NWD1: variants seen among roughly 807,000 people sequenced by gnomAD.
NWD1 encodes NACHT domain- and WD repeat-containing protein 1.
In NWD1, 129 loss-of-function variants were observed where a neutral mutation model predicts 135.1. That is an observed-to-expected ratio of 0.96 (90% CI 0.83 to 1.11). The LOEUF is 1.11. NWD1 is among the 50% of genes least tolerant of loss of function. NWD1 has a pLI of 0.00. For synonymous variants in NWD1, 773 were observed against 786.0 expected (o/e 0.98, Z 0.28); for missense variants, 1,740 against 1,851.3 (o/e 0.94, Z 1.10).
rs756653578 is a variant in NWD1, at chr19:16,789,053, CA to C, written c.2804del (p.His935ProfsTer82). 30 of 1,613,204 alleles carry C rather than the reference CA, an allele frequency of 1.9e-5. No homozygotes were observed. The highest frequency in any genetic ancestry group is 2.5e-5 in the Non-Finnish European group (30 of 1,179,754). On this transcript the variant is annotated frameshift_variant, in exon 13 of 19. Transcript: ENST00000524140. LOFTEE classifies it high-confidence loss of function. ...CTCTGCTTCAAAGGATTACACGCTG[CA>C]CTTGTGGAACTTACTCTCTGGCCAG... Reference protein sequence around the residue: ...ANSASKDYTLHLWNLLSGQEK... With the variant: ...ANSASKDYTLXLWNLLSGQEK...
intron 2 of NWD1, among the ~76,000 whole-genome samples, chr19:16,725,765 C>T (rs1967304013): frequency 6.6e-6 from 1 of 151,776 alleles, no homozygotes; most frequent in Admixed American, 6.6e-5. Context: ...GTTGGCCAGG[C>T]TGGTCTTGAA....
intron 6 of NWD1, among the ~76,000 whole-genome samples, chr19:16,754,967 C>T (rs1968732846): frequency 1.3e-5 from 2 of 152,128 alleles, no homozygotes; most frequent in African/African-American, 4.8e-5. Context: ...TATGTATAGT[C>T]TCAATCTATC....
At chr19:16,735,744 C>T (rs906161611) in intron 3 of NWD1, among the ~76,000 whole-genome samples, 3 of 150,080 alleles carry the variant, frequency 2.0e-5, no homozygotes, top group Non-Finnish European at 3.0e-5. Flanking sequence ...GCATAAGAAT[C>T]GCTTGAACCC....
chr19:16,809,559 C>CTTTTTTTT (rs55774128), intron 18 of NWD1, among the ~76,000 whole-genome samples: 2 of 123,348 alleles, frequency 1.6e-5, no homozygotes, highest in African/African-American at 6.6e-5. Flanking sequence ...TTTTCTTTTT[C>CTTTTTTTT]TTTTTTTTTT....
In NWD1 at chr19:16,775,734, T is replaced by A. The variant is rs188925512; in HGVS notation, c.2608+2411T>A. Among the ~76,000 whole-genome samples the A allele has an allele frequency of 6.9e-4, 105 of 152,338 alleles. 1 individual carries two copies. The highest frequency in any genetic ancestry group is 2.5e-3 in the South Asian group (12 of 4,826). On this transcript the variant is annotated intron_variant, in intron 11 of 18. Transcript: ENST00000524140. Reference sequence around the variant, plus strand: ...CCCAGGCTGGAGTGCAGTGGCGCAATCTCGGCTCACTGCACCTCTGCTTCC... The same window carrying A: ...CCCAGGCTGGAGTGCAGTGGCGCAAACTCGGCTCACTGCACCTCTGCTTCC...
At chr19:16,795,658 C>T (rs1385643676) in intron 15 of NWD1, among the ~76,000 whole-genome samples, 1 of 152,062 alleles carries the variant, frequency 6.6e-6, no homozygotes, top group South Asian at 2.1e-4. Context: ...TTCAGGTTAT[C>T]TGCCTGCGTC....
intron 5 of NWD1, among the ~76,000 whole-genome samples, chr19:16,747,483 C>T (rs1968375080): frequency 1.3e-5 from 2 of 151,714 alleles, no homozygotes; most frequent in African/African-American, 4.8e-5. Flanking sequence ...GTCAAGCAAT[C>T]CTCCCACCTC....
At chr19:16,771,125 C>A (rs138297452) in intron 10 of NWD1, among the ~76,000 whole-genome samples, 1 of 152,064 alleles carries the variant, frequency 6.6e-6, no homozygotes, top group Admixed American at 6.6e-5. Context: ...CATAGCGAGA[C>A]CCTATCTCTG....
intron 11 of NWD1, among the ~76,000 whole-genome samples, chr19:16,778,494 C>CTTCTTTTTTT (rs200410922): frequency 1.4e-4 from 15 of 107,568 alleles, no homozygotes; most frequent in South Asian, 2.8e-4. Flanking sequence ...TCTTCTTCTT[C>CTTCTTTTTTT]TTTTTTTTTT....
Position 16,759,421 on chromosome 19 carries a change from G to GC in NWD1, c.1969dup (p.His657ProfsTer10). On this transcript the variant is annotated frameshift_variant, in exon 7 of 19. Coordinates refer to ENST00000524140, the MANE Select transcript of NWD1 (RefSeq NM_001007525.5). LOFTEE classifies it high-confidence loss of function. ...GGATGGCTTCACCCTCCTGGCCATTGCCCACAGGTAGGTCCAGGCAGCAGT... is the reference window on the plus strand; with the variant it reads ...GGATGGCTTCACCCTCCTGGCCATTGCCCCACAGGTAGGTCCAGGCAGCAGT... 6.4e-7 allele frequency: 1 copy of GC among 1,558,876 alleles called. No individual in the cohort carries two copies. The highest frequency in any genetic ancestry group is 1.2e-5 in the South Asian group (1 of 86,080).
intron 10 of NWD1, among the ~76,000 whole-genome samples, chr19:16,769,058 G>A (rs752910920): frequency 3.3e-5 from 5 of 152,150 alleles, no homozygotes; most frequent in Admixed American, 6.6e-5. Flanking sequence ...CAAAACGGCC[G>A]GGGTGGCTCA....
chr19:16,794,569 C>T lies in NWD1; in HGVS notation c.3304+16C>T. On this transcript the variant is annotated intron_variant, in intron 15 of 18. Coordinates refer to ENST00000524140, the MANE Select transcript of NWD1 (RefSeq NM_001007525.5). ...CTCGCCGCAGGTAGCGTTTAGCTCT[C>T]ATTTGGAGTAGTGAGGAAGCTAATC... The T allele has an allele frequency of 6.5e-7, 1 of 1,539,258 alleles. No homozygotes were observed. Among genetic ancestry groups the T allele is most frequent in the Non-Finnish European group, 8.9e-7 (1 of 1,120,324 alleles).
At chr19:16,773,379 G>A in intron 11 of NWD1, 56 bp downstream of exon 11, 2 of 1,479,918 alleles carry the variant, frequency 1.4e-6, no homozygotes, top group Non-Finnish European at 1.9e-6. Flanking sequence ...CCTGGGGGCA[G>A]TGAAGGCCAG....
At chr19:16,774,965 C>G (rs997791649) in intron 11 of NWD1, among the ~76,000 whole-genome samples, 2 of 152,110 alleles carry the variant, frequency 1.3e-5, no homozygotes, top group African/African-American at 4.8e-5. Context: ...CACCCACTCA[C>G]TCATCCAACT....
intron 5 of NWD1, among the ~76,000 whole-genome samples, chr19:16,746,614 A>G (rs111397018): frequency 0.084 from 12,707 of 151,684 alleles, 1,013 homozygotes; most frequent in African/African-American, 0.21. Context: ...CAGCGGTTGT[A>G]GTGAGCTGAG....
intron 4 of NWD1, among the ~76,000 whole-genome samples, chr19:16,742,664 C>T (rs897581840): frequency 3.3e-5 from 5 of 151,804 alleles, no homozygotes; most frequent in East Asian, 3.9e-4. Flanking sequence ...TCTTAATTAT[C>T]GAGATAAATT....
At chr19:16,779,629 C>T (rs1396200117) in intron 12 of NWD1, among the ~76,000 whole-genome samples, 164 bp downstream of exon 12, 1 of 152,104 alleles carries the variant, frequency 6.6e-6, no homozygotes, top group Non-Finnish European at 1.5e-5. Context: ...ACAGTAGTTT[C>T]AAACAAGCCA....
intron 11 of NWD1, among the ~76,000 whole-genome samples, chr19:16,774,044 A>T (rs1013314602): frequency 1.4e-5 from 2 of 145,470 alleles, no homozygotes; most frequent in African/African-American, 2.6e-5. Flanking sequence ...CTACACTCCC[A>T]CCCTTCCATT....
rs1223324738 is a variant in NWD1 at position 16,817,361 on chromosome 19, G to T, written c.*2322G>T. 6.6e-6 allele frequency: 1 copy of T among 151,862 alleles called. No homozygotes were observed. The highest frequency in any genetic ancestry group is 1.5e-5 in the Non-Finnish European group (1 of 68,022). 9.4% of individuals were successfully genotyped at this position (151,862 alleles called of 1,614,324 possible). On this transcript the variant is annotated 3_prime_UTR_variant, in exon 19 of 19. Transcript: ENST00000524140. The stretch of plus-strand genomic sequence containing the variant: ...CACGCCTGTAATCCCAGCACTTTGG[G>T]AGGCTGAGGCGGGTGGATCACTTGA...
Sources: gnomAD v4.1 joint callset for allele counts (sites outside exome capture counted in the v4.1 genomes callset) on GRCh38, gnomAD v4.1.1 for gene constraint, MANE v1.5 for transcripts, NCBI Gene and HGNC (gene_info 2026-07-23, HGNC 2026-07-21) for gene names.